The following NSUN2 variants were observed in gnomAD, a reference collection of about 807,000 sequenced individuals.
NSUN2 encodes NOP2/Sun RNA methyltransferase 2.
NSUN2 carries 63 observed loss-of-function variants against 92.7 expected under a neutral mutation model. The observed-to-expected ratio is 0.68, with a 90% CI of 0.56 to 0.84. NSUN2 has a LOEUF of 0.84. Ranked by LOEUF, NSUN2 falls within the 40% of genes least tolerant of loss-of-function variation. NSUN2 has a pLI of 0.00. For missense variants in NSUN2, 989 were observed against 964.9 expected (o/e 1.02, Z -0.33); for synonymous variants, 356 against 348.3 (o/e 1.02, Z -0.25).
In NSUN2 at chr5:6,607,430, T is replaced by C. The variant is rs778218859; in HGVS notation, c.1324-46A>G. 10 of 1,531,266 alleles carry C rather than the reference T, an allele frequency of 6.5e-6. No individual in the cohort carries two copies. In the African/African-American group the frequency reaches 1.2e-4, roughly 19 times the overall value. The allele number at this position is 1,531,266 out of a possible 1,614,324, so 94.9% of individuals were successfully genotyped here. A position where few individuals can be genotyped will look rare whatever the true frequency, so the allele number is the denominator to read the frequency against. Reference sequence around the variant, plus strand: ...ATTGACACACAAAGAGGAGCATTCTTTGTGCTGCTACGAAAAGTTAAAAAT... The same window carrying C: ...ATTGACACACAAAGAGGAGCATTCTCTGTGCTGCTACGAAAAGTTAAAAAT... On this transcript the variant is annotated intron_variant, in intron 12 of 18. Transcript: ENST00000264670.
chr5:6,605,490 C>T, intron 14 of NSUN2, 82 bp from the exon 15 acceptor site: 2 of 1,468,664 alleles, frequency 1.4e-6, no homozygotes, highest in Non-Finnish European at 1.9e-6. Flanking sequence ...TCTCCTCCTC[C>T]AGAATTCAAT....
chr5:6,617,433 T>G (rs1737255156), intron 8 of NSUN2, among the ~76,000 whole-genome samples: 1 of 152,162 alleles, frequency 6.6e-6, no homozygotes, highest in African/African-American at 2.4e-5. Context: ...TTGGAAAAAG[T>G]ACTTAAAAAA....
Position 6,600,114 on chromosome 5 carries a change from C to A in NSUN2, c.2116G>T (p.Val706Leu), listed in dbSNP as rs749845831. Residue 706 changes from valine (V) to leucine (L), a missense_variant, in exon 19 of 19, where the codon GTA (valine) becomes TTA (leucine). Physicochemically the swap from Val to Leu is conservative, Grantham distance 32. This residue lies in a region of NSUN2 where 626 missense variants were observed against 602.3 expected (regional missense o/e 1.04). Coordinates refer to ENST00000264670, the MANE Select transcript of NSUN2 (RefSeq NM_017755.6). ...CCTTCCTTCTTCTTTTCTCCCAATA[C>A]CTCCAGCCCCATCATCCTGAGATAA... ...LHYLRMMGLE[V>L]LGEKKKEGVI... The A allele has an allele frequency of 6.2e-7, 1 of 1,614,204 alleles. No homozygotes were observed.
At chr5:6,610,492 C>T (rs913886702) in intron 11 of NSUN2, among the ~76,000 whole-genome samples, 1 of 152,010 alleles carries the variant, frequency 6.6e-6, no homozygotes, top group Admixed American at 6.5e-5. Context: ...AGTTCAACAC[C>T]AGCCTGGCCA....
intron 11 of NSUN2, 70 bp downstream of exon 11, chr5:6,610,885 A>C: frequency 6.3e-7 from 1 of 1,575,536 alleles, no homozygotes; most frequent in Non-Finnish European, 8.7e-7. Flanking sequence ...CCCCAACAAG[A>C]CTCACCAGCT....
At chr5:6,628,992 C>T (rs1737764806) in intron 3 of NSUN2, among the ~76,000 whole-genome samples, 1 of 151,642 alleles carries the variant, frequency 6.6e-6, no homozygotes, top group South Asian at 2.1e-4. Context: ...CTGCAGTGAA[C>T]CGTCATGACA....
chr5:6,625,506 C>G, intron 4 of NSUN2, 58 bp downstream of exon 4: 3 of 1,286,034 alleles, frequency 2.3e-6, no homozygotes, highest in Non-Finnish European at 3.4e-6. Context: ...CAGAACTACA[C>G]TACATCTATG....
At chr5:6,620,976 A>C (rs191682658) in intron 6 of NSUN2, 1 of 152,390 alleles carries the variant, frequency 6.6e-6, no homozygotes, top group Admixed American at 6.5e-5. Flanking sequence ...AACAGGGAAA[A>C]GTGAAGCAGG....
At chr5:6,614,440 G>T (rs775720145) in intron 9 of NSUN2, among the ~76,000 whole-genome samples, 58 of 152,052 alleles carry the variant, frequency 3.8e-4, no homozygotes, top group Non-Finnish European at 6.3e-4. Context: ...CCCGTGCCTG[G>T]GTCACGCTTG....
chr5:6,628,802 G>A (rs1273072454), intron 3 of NSUN2, among the ~76,000 whole-genome samples: 1 of 152,186 alleles, frequency 6.6e-6, no homozygotes, highest in Admixed American at 6.5e-5. Flanking sequence ...CAGCACTTTG[G>A]GAAACCAAGG....
At chr5:6,619,889 G>A (rs1425875694) in intron 7 of NSUN2, among the ~76,000 whole-genome samples, 2 of 152,080 alleles carry the variant, frequency 1.3e-5, no homozygotes, top group Non-Finnish European at 2.9e-5. Flanking sequence ...GCAGGCTATT[G>A]CAACCACCCC....
At chr5:6,614,080 A>G (rs1737111139) in intron 9 of NSUN2, among the ~76,000 whole-genome samples, 1 of 132,936 alleles carries the variant, frequency 7.5e-6, no homozygotes, top group African/African-American at 2.8e-5. Flanking sequence ...TGGGCAACAG[A>G]GCGAGACTGT....
intron 12 of NSUN2, among the ~76,000 whole-genome samples, chr5:6,609,180 G>C (rs528416181): frequency 1.3e-5 from 2 of 152,242 alleles, no homozygotes; most frequent in South Asian, 4.1e-4. Flanking sequence ...TTTGATTCCA[G>C]GCCAGGTTCT....
intron 7 of NSUN2, among the ~76,000 whole-genome samples, chr5:6,618,885 G>A (rs1737322294): frequency 6.6e-6 from 1 of 152,118 alleles, no homozygotes; most frequent in South Asian, 2.1e-4. Context: ...TTCCTTGATG[G>A]TCTAGCCGCG....
chr5:6,605,636 A>T (rs948841314), intron 14 of NSUN2, among the ~76,000 whole-genome samples: 1 of 151,956 alleles, frequency 6.6e-6, no homozygotes, highest in African/African-American at 2.4e-5. Context: ...TAAATTAACA[A>T]GTGCAGCTTC....
intron 16 of NSUN2, 103 bp downstream of exon 16, chr5:6,604,502 G>T: frequency 9.0e-7 from 1 of 1,116,368 alleles, no homozygotes; most frequent in Non-Finnish European, 1.4e-6. Flanking sequence ...TGCCAGCCAA[G>T]CCCTGAGCCA....
intron 7 of NSUN2, among the ~76,000 whole-genome samples, 186 bp from the exon 8 acceptor site, chr5:6,618,210 G>T (rs10475339): frequency 1.3e-5 from 2 of 151,966 alleles, no homozygotes; most frequent in African/African-American, 4.8e-5. Context: ...ATGTATTATA[G>T]TTTTAAATTA....
Position 6,631,973 on chromosome 5 carries a change from C to T in NSUN2, c.259G>A (p.Ala87Thr), listed in dbSNP as rs1367343470. The T allele has an allele frequency of 1.9e-6, 3 of 1,609,034 alleles. No homozygotes were observed. The highest frequency in any genetic ancestry group is 1.7e-4 in the Middle Eastern group (1 of 6,052). ...TLRITGYKSH[A>T]KEILHCLKNK... is the part of the protein sequence containing the mutation. ...TTTAAGCAATGGAGAATCTCTTTTG[C>T]GTGGCTATTGAAAAATAAGGAAGTT... The change falls in exon 3 of 19, where the codon GCA (alanine) becomes ACA (threonine). Residue 87 changes from alanine (A) to threonine (T), a missense_variant. Transcript: ENST00000264670.
intron 18 of NSUN2, among the ~76,000 whole-genome samples, chr5:6,601,600 A>C (rs374775813): frequency 6.6e-6 from 1 of 150,814 alleles, no homozygotes; most frequent in African/African-American, 2.4e-5. Context: ...CCTCTTACCT[A>C]TCCCTCCTCC....
Sources: allele counts gnomAD v4.1 joint callset (sites outside exome capture counted in the v4.1 genomes callset), GRCh38; gene constraint gnomAD v4.1.1; regional missense constraint gnomAD v4.1.1; transcripts MANE v1.5; gene names NCBI Gene and HGNC (gene_info 2026-07-23, HGNC 2026-07-21).